Variants in GFRAL observed in about 807,000 individuals in gnomAD.
The protein encoded by GFRAL is GDNF family receptor alpha like, also known as GDNF family receptor alpha-like.
In GFRAL, 36 loss-of-function variants were observed where a neutral mutation model predicts 45.4. That is an observed-to-expected ratio of 0.79 (90% CI 0.61 to 1.05). The LOEUF (loss-of-function observed/expected upper bound fraction) is 1.05, where lower values mean the gene tolerates loss of function less well. Ranked by LOEUF, GFRAL falls within the 50% of genes least tolerant of loss-of-function variation. The probability of loss-of-function intolerance (pLI) is 0.00; values close to 1 mark genes in which losing one functional copy is unlikely to be tolerated. For missense variants in GFRAL, 507 were observed against 467.5 expected (o/e 1.08, Z -0.78); for synonymous variants, 166 against 154.1 (o/e 1.08, Z -0.57).
intron 6 of GFRAL, among the ~76,000 whole-genome samples, chr6:55,364,720 C>G (rs988082902): frequency 1.1e-4 from 16 of 151,440 alleles, no homozygotes; most frequent in African/African-American, 2.7e-4. Flanking sequence ...GCTTGTTTTT[C>G]TCAGGTTTGT....
intron 2 of GFRAL, among the ~76,000 whole-genome samples, chr6:55,333,492 C>T (rs952064274): frequency 2.6e-5 from 4 of 152,064 alleles, no homozygotes; most frequent in African/African-American, 9.7e-5. Context: ...ATTCTGGTCA[C>T]CTCCTGTAAG....
At chr6:55,368,123 T>C (rs1397761885) in intron 6 of GFRAL, among the ~76,000 whole-genome samples, 19 of 150,298 alleles carry the variant, frequency 1.3e-4, no homozygotes, top group African/African-American at 4.7e-4. Flanking sequence ...CCATATTTCT[T>C]GGAGGCTTTG....
rs12200789 is a variant in GFRAL at position 55,332,501 on chromosome 6, C to T, written c.157+652C>T. On this transcript the variant is annotated intron_variant, in intron 2 of 8. Transcript: ENST00000340465. ...GCTGCGTGATCTCGGCTCACTGCAA[C>T]CTCCGCCTCCCGGGTTCAAACGATT... is the stretch of plus-strand genomic sequence containing the variant. Among the ~76,000 whole-genome samples the T allele has an allele frequency of 2.0e-5, 3 of 151,854 alleles. No homozygotes were observed. The East Asian group carries it at 5.8e-4, about 30-fold the overall frequency.
intron 2 of GFRAL, 102 bp downstream of exon 2, chr6:55,331,951 T>C (rs1767835076): frequency 9.5e-7 from 1 of 1,056,944 alleles, no homozygotes; most frequent in Non-Finnish European, 1.4e-6. Context: ...TTTTTTTCTA[T>C]GTATCTTATT....
intron 6 of GFRAL, among the ~76,000 whole-genome samples, chr6:55,393,412 G>C (rs1472036284): frequency 8.5e-5 from 13 of 152,084 alleles, no homozygotes; most frequent in Admixed American, 8.5e-4. Flanking sequence ...TAAAAACTCT[G>C]CCTCTTCTAA....
chr6:55,399,537 G>T, intron 8 of GFRAL, 96 bp downstream of exon 8: 1 of 820,650 alleles, frequency 1.2e-6, no homozygotes, highest in Non-Finnish European at 2.1e-6. Context: ...AAGAGCCTGA[G>T]AATGAAAGCT....
chr6:55,390,933 C>CA (rs1271329297), intron 6 of GFRAL, among the ~76,000 whole-genome samples: 3 of 123,674 alleles, frequency 2.4e-5, no homozygotes, highest in Admixed American at 7.6e-5. Flanking sequence ...CACACACACA[C>CA]AAGTAGTGGT....
Position 55,351,131 on chromosome 6 carries a change from C to T in GFRAL, c.371-122C>T. On this transcript the variant is annotated intron_variant, in intron 4 of 8. Coordinates refer to ENST00000340465, the MANE Select transcript of GFRAL (RefSeq NM_207410.2). ...TTACTCTAAAAGATGTAATGTTTGC[C>T]AAAAATAGGACATTGGTACATCATT... 4 of 712,932 alleles carry T rather than the reference C, an allele frequency of 5.6e-6. No homozygotes were observed. The East Asian group carries it at 1.0e-4, about 18-fold the overall frequency. The allele number at this position is 712,932 out of a possible 1,614,324, so 44.2% of individuals were successfully genotyped here. A position where few individuals can be genotyped will look rare whatever the true frequency, so the allele number is the denominator to read the frequency against.
intron 1 of GFRAL, 119 bp downstream of exon 1, chr6:55,327,695 C>A: frequency 1.1e-6 from 1 of 881,376 alleles, no homozygotes; most frequent in Non-Finnish European, 1.8e-6. Flanking sequence ...AAGTAAATTA[C>A]AAATTTATGC....
chr6:55,363,213 T>G (rs1402978713), intron 6 of GFRAL, among the ~76,000 whole-genome samples: 1 of 151,984 alleles, frequency 6.6e-6, no homozygotes, highest in African/African-American at 2.4e-5. Context: ...GAGCCAATGT[T>G]CATAAGGTTG....
intron 6 of GFRAL, among the ~76,000 whole-genome samples, chr6:55,383,046 T>C (rs1172457415): frequency 6.6e-6 from 1 of 151,960 alleles, no homozygotes; most frequent in Non-Finnish European, 1.5e-5. Context: ...TTCTTAAGTA[T>C]GGTGTTATCT....
intron 6 of GFRAL, among the ~76,000 whole-genome samples, chr6:55,373,840 C>A (rs1379502460): frequency 6.6e-6 from 1 of 151,900 alleles, no homozygotes; most frequent in Non-Finnish European, 1.5e-5. Context: ...CACAGATCAT[C>A]CCATCACCTA....
At chr6:55,379,601 T>A (rs1444059602) in intron 6 of GFRAL, among the ~76,000 whole-genome samples, 1 of 151,472 alleles carries the variant, frequency 6.6e-6, no homozygotes, top group Non-Finnish European at 1.5e-5. Context: ...ACACACAAAC[T>A]GTGGAATGGT....
At chr6:55,387,263 T>C (rs950735517) in intron 6 of GFRAL, among the ~76,000 whole-genome samples, 2 of 152,302 alleles carry the variant, frequency 1.3e-5, no homozygotes, top group East Asian at 3.9e-4. Context: ...GAAATCATAG[T>C]ATTATCTTTT....
intron 6 of GFRAL, among the ~76,000 whole-genome samples, chr6:55,375,257 A>G (rs1173435068): frequency 6.6e-6 from 1 of 152,184 alleles, no homozygotes; most frequent in Non-Finnish European, 1.5e-5. Flanking sequence ...ATCCATGAGC[A>G]TGGAATGTTT....
chr6:55,329,245 G>GA (rs2127349004), intron 1 of GFRAL, among the ~76,000 whole-genome samples: 1 of 152,058 alleles, frequency 6.6e-6, no homozygotes, highest in African/African-American at 2.4e-5. Flanking sequence ...AGGAAGTGTG[G>GA]AAAATCCTAT....
intron 6 of GFRAL, among the ~76,000 whole-genome samples, chr6:55,363,714 T>A (rs1421930454): frequency 6.6e-6 from 1 of 151,088 alleles, no homozygotes; most frequent in Non-Finnish European, 1.5e-5. Flanking sequence ...TGCGATAGTT[T>A]ACTGAGAATG....
chr6:55,376,756 C>T (rs1040407365), intron 6 of GFRAL, among the ~76,000 whole-genome samples: 1 of 151,826 alleles, frequency 6.6e-6, no homozygotes, highest in African/African-American at 2.4e-5. Flanking sequence ...ACTAGTCTAG[C>T]TAGCTAGCTA....
At chr6:55,367,763 A>G (rs1466202399) in intron 6 of GFRAL, among the ~76,000 whole-genome samples, 3 of 151,714 alleles carry the variant, frequency 2.0e-5, no homozygotes, top group African/African-American at 7.3e-5. Context: ...AATGTTGAAT[A>G]TTGGCCCCCA....
Sources: allele counts gnomAD v4.1 joint callset (sites outside exome capture counted in the v4.1 genomes callset), GRCh38; gene constraint gnomAD v4.1.1; transcripts MANE v1.5; gene names NCBI Gene and HGNC (gene_info 2026-07-23, HGNC 2026-07-21).